The following SEMA4D variants were observed in gnomAD, a reference collection of about 807,000 sequenced individuals.
SEMA4D encodes the protein semaphorin-4D.
SEMA4D carries 22 observed loss-of-function variants against 74.8 expected under a neutral mutation model. The ratio of observed to expected loss-of-function variants is 0.29; its 90% CI spans 0.21 to 0.42. SEMA4D has a LOEUF of 0.42. Among genes scored for constraint, SEMA4D ranks in the 10% least tolerant of loss-of-function variants. The pLI is 1.00. For synonymous variants in SEMA4D, 445 were observed against 463.7 expected (o/e 0.96, Z 0.52); for missense variants, 937 against 1,118.4 (o/e 0.84, Z 2.31).
chr9:89,384,816 C>G, intron 13 of SEMA4D: 1 of 985,414 alleles, frequency 1.0e-6, no homozygotes, highest in Non-Finnish European at 1.2e-6. Flanking sequence ...TCAGGCGGCA[C>G]AGTCTTTTTA....
At chr9:89,455,314 G>C (rs1855669999) in intron 2 of SEMA4D, among the ~76,000 whole-genome samples, 1 of 152,224 alleles carries the variant, frequency 6.6e-6, no homozygotes, top group African/African-American at 2.4e-5. Flanking sequence ...AGCCCAGGGG[G>C]CTGTCCCCGG....
intron 2 of SEMA4D, among the ~76,000 whole-genome samples, chr9:89,430,798 A>T (rs1415105316): frequency 1.3e-5 from 2 of 152,222 alleles, no homozygotes; most frequent in Admixed American, 1.3e-4. Context: ...CCTACATGGC[A>T]AAACCCCATC....
chr9:89,453,000 G>A (rs1193428303), intron 2 of SEMA4D, among the ~76,000 whole-genome samples: 2 of 152,138 alleles, frequency 1.3e-5, no homozygotes, highest in African/African-American at 4.8e-5. Context: ...CACCCTCCTG[G>A]GCCTCCTGAA....
At chr9:89,460,899 A>C (rs1857047305) in intron 1 of SEMA4D, among the ~76,000 whole-genome samples, 2 of 152,164 alleles carry the variant, frequency 1.3e-5, no homozygotes, top group Admixed American at 1.3e-4. Context: ...ATATGTGGCC[A>C]CCACATATGC....
chr9:89,466,935 G>C (rs1858881616), intron 1 of SEMA4D, among the ~76,000 whole-genome samples: 1 of 152,234 alleles, frequency 6.6e-6, no homozygotes, highest in Non-Finnish European at 1.5e-5. Flanking sequence ...GCTCCAGAAT[G>C]CAAGGCCCAA....
Position 89,381,426 on chromosome 9 carries a change from G to A in SEMA4D, c.1447-80C>T, listed in dbSNP as rs1837035545. 7.5e-7 allele frequency: 1 copy of A among 1,331,638 alleles called. No homozygotes were observed. 82.5% of individuals were successfully genotyped at this position (1,331,638 alleles called of 1,614,324 possible). A position where few individuals can be genotyped will look rare whatever the true frequency, so the allele number is the denominator to read the frequency against. On this transcript the variant is annotated intron_variant, in intron 13 of 15. Transcript: ENST00000422704. The surrounding 1 kb of genome is among the most constrained non-coding windows in gnomAD (Gnocchi z 4.6). ...ATGGCCTCTGCTTCTGCACCAGTGT[G>A]TGGGAAGCAGCCAGAGTGTACCTTC... is the stretch of plus-strand genomic sequence containing the variant.
intron 1 of SEMA4D, among the ~76,000 whole-genome samples, chr9:89,491,328 G>C (rs1234639140): frequency 6.6e-6 from 1 of 152,200 alleles, no homozygotes; most frequent in African/African-American, 2.4e-5. Context: ...CCAGCACTTT[G>C]GGAGGCCGAG....
intron 1 of SEMA4D, among the ~76,000 whole-genome samples, chr9:89,465,786 T>C (rs1350140499): frequency 2.0e-5 from 3 of 152,236 alleles, no homozygotes; most frequent in East Asian, 1.9e-4. Context: ...CGGATATCTA[T>C]GACTTACAGA....
In SEMA4D at chr9:89,387,610, T is replaced by TGCA; in HGVS notation, c.1108-5_1108-3dup. On this transcript the variant is annotated splice_polypyrimidine_tract_variant and splice_region_variant and intron_variant, in intron 11 of 15. Coordinates refer to ENST00000422704, the MANE Select transcript of SEMA4D (RefSeq NM_001371194.2). ...GGCCCGTGCCTCGCTGTCGATGCACTGCAGGGAGAAAATCCCCGCTGTTAA... is the reference window on the plus strand; with the variant it reads ...GGCCCGTGCCTCGCTGTCGATGCACTGCAGCAGGGAGAAAATCCCCGCTGTTAA... 1.2e-6 allele frequency: 2 copies of TGCA among 1,613,460 alleles called. No individual in the cohort carries two copies. Among genetic ancestry groups the TGCA allele is most frequent in the Non-Finnish European group, 1.7e-6 (2 of 1,179,630 alleles).
At chr9:89,405,267 C>T (rs1470483056) in intron 3 of SEMA4D, 84 bp downstream of exon 3, 6 of 1,215,880 alleles carry the variant, frequency 4.9e-6, no homozygotes, top group Non-Finnish European at 7.2e-6. Flanking sequence ...GTCCCTGTCC[C>T]GTCCCCAGCC....
chr9:89,447,617 C>T (rs1490583133), intron 2 of SEMA4D, among the ~76,000 whole-genome samples: 1 of 152,182 alleles, frequency 6.6e-6, no homozygotes, highest in Non-Finnish European at 1.5e-5. Context: ...GTGCCCACAC[C>T]AGCACCGCTC....
chr9:89,458,193 A>C (rs985679544), intron 1 of SEMA4D, among the ~76,000 whole-genome samples: 1 of 152,206 alleles, frequency 6.6e-6, no homozygotes, highest in African/African-American at 2.4e-5. Flanking sequence ...GTGGCTGCGC[A>C]GGAAACACAG....
chr9:89,406,070 C>T (rs891755683), intron 2 of SEMA4D: 17 of 438,828 alleles, frequency 3.9e-5, no homozygotes, highest in Non-Finnish European at 4.6e-5. Flanking sequence ...GAAGAGAACT[C>T]GGGTTTCAGT....
At chr9:89,366,067 T>C (rs1444139718) in intron 16 of SEMA4D, among the ~76,000 whole-genome samples, 1 of 152,176 alleles carries the variant, frequency 6.6e-6, no homozygotes, top group East Asian at 1.9e-4. Context: ...AAGCCCTGTT[T>C]CTATCAGTGA....
At chr9:89,454,470 G>C (rs914430972) in intron 2 of SEMA4D, among the ~76,000 whole-genome samples, 6 of 152,302 alleles carry the variant, frequency 3.9e-5, no homozygotes, top group Non-Finnish European at 7.4e-5. Context: ...TAGCAGGAGT[G>C]GACCTTGGGG....
intron 16 of SEMA4D, among the ~76,000 whole-genome samples, chr9:89,365,812 A>G (rs1833555400): frequency 6.6e-6 from 1 of 152,170 alleles, no homozygotes; most frequent in South Asian, 2.1e-4. Flanking sequence ...AGAGCTTTCC[A>G]TTTCTGTGGC....
intron 2 of SEMA4D, among the ~76,000 whole-genome samples, chr9:89,419,235 T>C (rs1475487513): frequency 2.0e-5 from 3 of 152,206 alleles, no homozygotes; most frequent in Admixed American, 6.5e-5. Flanking sequence ...CAGAGACTGA[T>C]ACTGGGGTCT....
chr9:89,455,786 C>T (rs1207054238), intron 2 of SEMA4D, 102 bp downstream of exon 2: 19 of 152,264 alleles, frequency 1.2e-4, no homozygotes, highest in Admixed American at 1.1e-3. Flanking sequence ...GAATGGGCAT[C>T]GCTGCTGACT....
At chr9:89,374,584 G>A (rs988233369), downstream of SEMA4D, among the ~76,000 whole-genome samples, 2 of 152,148 alleles carry the variant, frequency 1.3e-5, no homozygotes, top group Admixed American at 1.3e-4. Context: ...TATCACCTTT[G>A]TAACCAATTC....
Sources: gnomAD v4.1 joint callset for allele counts (sites outside exome capture counted in the v4.1 genomes callset) on GRCh38, gnomAD v4.1.1 for gene constraint, Gnocchi (gnomAD v3.1) non-coding constraint, MANE v1.5 for transcripts, NCBI Gene and HGNC (gene_info 2026-07-23, HGNC 2026-07-21) for gene names.